SMARCAL1: variants seen among roughly 807,000 people sequenced by gnomAD.
The protein encoded by SMARCAL1 is SNF2 related chromatin remodeling annealing helicase 1.
A neutral mutation model predicts 94.5 loss-of-function variants in SMARCAL1; 58 were observed. The observed-to-expected ratio is 0.61, with a 90% CI of 0.50 to 0.76. The LOEUF is 0.76. SMARCAL1 is among the 30% of genes least tolerant of loss of function. SMARCAL1 has a pLI of 0.00. For synonymous variants in SMARCAL1, 422 were observed against 455.1 expected, an observed-to-expected ratio of 0.93 and a Z score of 0.93; for missense variants, 1,051 against 1,177.9, an observed-to-expected ratio of 0.89 and a Z score of 1.58.
intron 7 of SMARCAL1, among the ~76,000 whole-genome samples, chr2:216,429,800 GCC>G (rs1391483294): frequency 6.6e-6 from 1 of 152,126 alleles, no homozygotes; most frequent in African/African-American, 2.4e-5. Context: ...CCTGGCCCCA[GCC>G]CTTCCCCCTA....
rs145908212 is a variant in SMARCAL1, at chr2:216,477,214, G to A, written c.2528+5G>A. On this transcript the variant is annotated splice_donor_5th_base_variant and intron_variant, in intron 16 of 17. Coordinates refer to ENST00000357276, the MANE Select transcript of SMARCAL1 (RefSeq NM_014140.4). ...CACAGCTGATGACTACCTTTGGTAT[G>A]GCTTGGTTGGGTGGCCTGGCAGTTG... is the stretch of plus-strand genomic sequence containing the variant. 6.3e-7 allele frequency: 1 copy of A among 1,575,830 alleles called. No individual in the cohort carries two copies.
intron 10 of SMARCAL1, among the ~76,000 whole-genome samples, chr2:216,445,381 C>T (rs1402472332): frequency 6.6e-6 from 1 of 152,168 alleles, no homozygotes; most frequent in Non-Finnish European, 1.5e-5. Context: ...TGCCCACAAA[C>T]ACCCATTGGC....
intron 14 of SMARCAL1, among the ~76,000 whole-genome samples, chr2:216,472,493 AGT>A (rs1694989256): frequency 6.6e-6 from 1 of 152,104 alleles, no homozygotes; most frequent in African/African-American, 2.4e-5. Context: ...TTTTGCAATG[AGT>A]GTGTATTATT....
At chr2:216,465,354 G>C (rs759691346) in intron 13 of SMARCAL1, among the ~76,000 whole-genome samples, 1 of 152,112 alleles carries the variant, frequency 6.6e-6, no homozygotes, top group Admixed American at 6.6e-5. Flanking sequence ...TTTCTAGGAG[G>C]ACTGTGATCA....
chr2:216,446,029 A>G (rs565990848), intron 10 of SMARCAL1, among the ~76,000 whole-genome samples: 2 of 152,206 alleles, frequency 1.3e-5, no homozygotes, highest in South Asian at 4.1e-4. Flanking sequence ...ACTGAGCTCC[A>G]TGGTAGGGTC....
intron 11 of SMARCAL1, among the ~76,000 whole-genome samples, chr2:216,447,648 G>T (rs910847499): frequency 6.9e-6 from 1 of 144,814 alleles, no homozygotes; most frequent in Non-Finnish European, 1.5e-5. Context: ...ATGAAGTAAA[G>T]GTGGGAAATT....
rs985760536 is a variant in SMARCAL1 at position 216,415,397 on chromosome 2, A to G, written c.693A>G (p.Gln231=). ...RLQQKSGSSV[Q]KGVNSQKGKC... is the part of the protein sequence containing the mutation. ...AGCAGAAGTCAGGGTCCTCAGTCCAAAAAGGAGTGAACTCTCAGAAGGGAA... is the reference window on the plus strand; with the variant it reads ...AGCAGAAGTCAGGGTCCTCAGTCCAGAAAGGAGTGAACTCTCAGAAGGGAA... The change falls in exon 3 of 18, where the codon CAA becomes CAG. Residue 231 remains glutamine, a synonymous_variant. Transcript: ENST00000357276. 3.1e-6 allele frequency: 5 copies of G among 1,614,230 alleles called. No homozygotes were observed. Among genetic ancestry groups the G allele is most frequent in the Non-Finnish European group, 2.5e-6 (3 of 1,180,032 alleles).
chr2:216,449,327 A>C (rs1445744910), intron 11 of SMARCAL1, among the ~76,000 whole-genome samples: 2 of 151,876 alleles, frequency 1.3e-5, no homozygotes, highest in African/African-American at 4.8e-5. Context: ...TATGATATCC[A>C]CTTGTTCTCA....
At chr2:216,444,928 C>G (rs1694273633) in intron 10 of SMARCAL1, among the ~76,000 whole-genome samples, 1 of 152,208 alleles carries the variant, frequency 6.6e-6, no homozygotes, top group African/African-American at 2.4e-5. Flanking sequence ...GGTTTTCCCA[C>G]CCCCAACCCA....
Position 216,428,786 on chromosome 2 carries a change from G to A in SMARCAL1, c.1334+4G>A, listed in dbSNP as rs376469384. 15 of 1,613,470 alleles carry A rather than the reference G, an allele frequency of 9.3e-6. No individual in the cohort carries two copies. The highest frequency in any genetic ancestry group is 1.2e-5 in the Non-Finnish European group (14 of 1,179,426). On this transcript the variant is annotated splice_donor_region_variant and intron_variant, in intron 7 of 17. Transcript: ENST00000357276. ...CCTTTCAGAGAGCTGGAGTCAAGTA[G>A]GTTCTTGATCTTCCTCTCTCTTCCT...
chr2:216,428,839 C>A, intron 7 of SMARCAL1, 57 bp downstream of exon 7: 1 of 1,453,508 alleles, frequency 6.9e-7, no homozygotes, highest in Non-Finnish European at 9.7e-7. Context: ...TTACTCACCA[C>A]AGACTGCATT....
At chr2:216,465,377 GA>G (rs558255729) in intron 13 of SMARCAL1, among the ~76,000 whole-genome samples, 1 of 151,234 alleles carries the variant, frequency 6.6e-6, no homozygotes, top group African/African-American at 2.4e-5. Context: ...TGCCTTTAGG[GA>G]AAAAAAAATT....
chr2:216,456,211 A>G (rs1694563708), intron 12 of SMARCAL1, among the ~76,000 whole-genome samples: 1 of 152,240 alleles, frequency 6.6e-6, no homozygotes, highest in South Asian at 2.1e-4. Flanking sequence ...GACCAAATCT[A>G]CATCTGATTG....
At position 216,432,716 on chromosome 2, in the gene SMARCAL1, A is replaced by T; in HGVS notation, c.1335-2A>T. 6.2e-7 allele frequency: 1 copy of T among 1,614,066 alleles called. No individual in the cohort carries two copies. The highest frequency in any genetic ancestry group is 8.5e-7 in the Non-Finnish European group (1 of 1,180,024). On this transcript the variant is annotated splice_acceptor_variant, in intron 7 of 17. Coordinates refer to ENST00000357276, the MANE Select transcript of SMARCAL1 (RefSeq NM_014140.4). LOFTEE classifies it high-confidence loss of function. ...TGCCATCCTCACCTTGTCTGCCTTC[A>T]GTTTTGCCATAGCCAAAGGAGGCCG...
At chr2:216,444,338 A>G (rs767582132) in intron 10 of SMARCAL1, among the ~76,000 whole-genome samples, 17 of 152,070 alleles carry the variant, frequency 1.1e-4, no homozygotes, top group Non-Finnish European at 1.8e-4. Context: ...GTTTTGGCAA[A>G]ATATGTTACA....
chr2:216,441,536 G>A (rs1290217380), intron 10 of SMARCAL1, among the ~76,000 whole-genome samples: 1 of 152,194 alleles, frequency 6.6e-6, no homozygotes, highest in East Asian at 1.9e-4. Flanking sequence ...TAACTATGGA[G>A]CATTTACATA....
chr2:216,447,533 A>G (rs1694345759), intron 11 of SMARCAL1, among the ~76,000 whole-genome samples: 1 of 152,096 alleles, frequency 6.6e-6, no homozygotes, highest in South Asian at 2.1e-4. Context: ...TGCTGGCCCT[A>G]GAGAAGATGC....
intron 14 of SMARCAL1, among the ~76,000 whole-genome samples, chr2:216,470,031 G>A (rs900729838): frequency 6.6e-6 from 1 of 151,866 alleles, no homozygotes; most frequent in Non-Finnish European, 1.5e-5. Context: ...GCTGTCTCCT[G>A]TGAATATTCT....
chr2:216,466,336 C>T (rs1202169209), intron 13 of SMARCAL1, among the ~76,000 whole-genome samples: 12 of 152,160 alleles, frequency 7.9e-5, no homozygotes, highest in African/African-American at 2.4e-4. Flanking sequence ...ACATTTTTTA[C>T]ACCTGTGAAC....
Sources: allele counts gnomAD v4.1 joint callset (sites outside exome capture counted in the v4.1 genomes callset), GRCh38; gene constraint gnomAD v4.1.1; transcripts MANE v1.5; gene names NCBI Gene and HGNC (gene_info 2026-07-23, HGNC 2026-07-21).